Variants in SYAP1 observed in about 807,000 individuals in gnomAD.
The protein encoded by SYAP1 is synapse associated protein 1.
A neutral mutation model predicts 29.6 loss-of-function variants in SYAP1; 3 were observed. The observed-to-expected ratio is 0.10, with a 90% CI of 0.05 to 0.26. SYAP1 has a LOEUF of 0.26. Ranked by LOEUF, SYAP1 falls within the 10% of genes least tolerant of loss-of-function variation. SYAP1 has a pLI of 1.00. For missense variants in SYAP1, 217 were observed against 264.1 expected (o/e 0.82, Z 1.24); for synonymous variants, 102 against 102.7 (o/e 0.99, Z 0.04).
At chrX:16,726,075 G>A (rs771353004) in intron 1 of SYAP1, among the ~76,000 whole-genome samples, 109 of 111,837 alleles carry the variant, frequency 9.7e-4, no homozygotes, top group Admixed American at 3.8e-3. Context: ...AACTGGGAAG[G>A]AAGAGAGTTT....
chrX:16,755,514 T>C (rs1926824572), intron 6 of SYAP1, among the ~76,000 whole-genome samples: 1 of 109,568 alleles, frequency 9.1e-6, no homozygotes, highest in African/African-American at 3.3e-5. Context: ...CCCCCTCTCA[T>C]TTTTGGCCCT....
At chrX:16,750,886 G>A (rs1926715513) in intron 5 of SYAP1, among the ~76,000 whole-genome samples, 1 of 106,893 alleles carries the variant, frequency 9.4e-6, no homozygotes, top group Non-Finnish European at 1.9e-5. Flanking sequence ...TCCTGCATTA[G>A]CCTCCCAGGT....
intron 1 of SYAP1, among the ~76,000 whole-genome samples, chrX:16,720,271 G>A (rs1925930381): frequency 1.8e-5 from 2 of 112,030 alleles, no homozygotes; most frequent in African/African-American, 6.5e-5. Context: ...TAGTTGGCGA[G>A]CTTGAATTGG....
intron 6 of SYAP1, among the ~76,000 whole-genome samples, chrX:16,755,899 C>A (rs1011003887): frequency 1.8e-5 from 2 of 111,843 alleles, no homozygotes; most frequent in Admixed American, 9.6e-5. Context: ...ATTTAATTCA[C>A]GGAATTTTAA....
At chrX:16,729,058 A>G (rs1310531816) in intron 1 of SYAP1, among the ~76,000 whole-genome samples, 2 of 110,533 alleles carry the variant, frequency 1.8e-5, no homozygotes, top group Non-Finnish European at 3.8e-5. Flanking sequence ...AAAAGAAAAA[A>G]AAAAAGACAC....
intron 5 of SYAP1, 42 bp downstream of exon 5, chrX:16,743,882 A>G (rs201188264): frequency 2.5e-6 from 3 of 1,179,604 alleles, no homozygotes; most frequent in Non-Finnish European, 3.4e-6. Flanking sequence ...GGCCTCCATT[A>G]TGTGCTCAGT....
rs1569254086 is a variant in SYAP1, at chrX:16,761,687, A to ATGAG, written c.*1331_*1332insGTGA. ...GAGACTCCGTCTCAAAAATGAATGA[A>ATGAG]TGAATGAATGAATGAATGAACGAAC... On this transcript the variant is annotated 3_prime_UTR_variant, in exon 9 of 9. Coordinates refer to ENST00000380155, the MANE Select transcript of SYAP1 (RefSeq NM_032796.4). The ATGAG allele has an allele frequency of 9.0e-6, 1 of 111,428 alleles. No individual in the cohort carries two copies. Among genetic ancestry groups the ATGAG allele is most frequent in the African/African-American group, 3.3e-5 (1 of 30,583 alleles). 9.2% of individuals were successfully genotyped at this position (111,428 alleles called of 1,213,427 possible).
intron 1 of SYAP1, among the ~76,000 whole-genome samples, chrX:16,729,676 G>A (rs765694577): frequency 1.9e-4 from 21 of 110,184 alleles, no homozygotes; most frequent in African/African-American, 6.6e-4. Context: ...TAGAGACGGG[G>A]TTTCACAATG....
intron 1 of SYAP1, among the ~76,000 whole-genome samples, chrX:16,727,982 A>C (rs756916948): frequency 4.5e-4 from 51 of 112,388 alleles, no homozygotes; most frequent in Non-Finnish European, 8.8e-4. Flanking sequence ...TATGCAAATA[A>C]CTATATTGCC....
chrX:16,746,071 C>T (rs909737037), intron 5 of SYAP1, among the ~76,000 whole-genome samples: 4 of 106,293 alleles, frequency 3.8e-5, no homozygotes, highest in Non-Finnish European at 7.7e-5. Context: ...TATATGGAAT[C>T]TTTTTTTCTT....
Position 16,765,057 on chromosome X carries a change from C to A in SYAP1, c.*4698C>A, listed in dbSNP as rs1187585412. 1 of 111,826 alleles carries A rather than the reference C, an allele frequency of 8.9e-6. No homozygotes were observed. The highest frequency in any genetic ancestry group is 9.6e-5 in the Admixed American group (1 of 10,416). 9.2% of individuals were successfully genotyped at this position (111,826 alleles called of 1,213,427 possible). On this transcript the variant is annotated 3_prime_UTR_variant, in exon 9 of 9. Transcript: ENST00000380155. ...CAGTTTTATTGTGGGGAAGATGGGCCATTTTAATGAATGATTATTTCTATT... is the reference window on the plus strand; with the variant it reads ...CAGTTTTATTGTGGGGAAGATGGGCAATTTTAATGAATGATTATTTCTATT...
At chrX:16,739,075 C>T (rs1168599055) in intron 3 of SYAP1, among the ~76,000 whole-genome samples, 1 of 111,361 alleles carries the variant, frequency 9.0e-6, no homozygotes, top group Non-Finnish European at 1.9e-5. Flanking sequence ...GCATAAATAG[C>T]ACCAGGAGAG....
intron 5 of SYAP1, 123 bp downstream of exon 5, chrX:16,743,963 T>G: frequency 3.8e-6 from 3 of 793,735 alleles, no homozygotes; most frequent in Non-Finnish European, 5.3e-6. Flanking sequence ...CGCAGCCCTT[T>G]GGCAGCTCCC....
chrX:16,756,895 A>T (rs1389639695), intron 7 of SYAP1, among the ~76,000 whole-genome samples, 174 bp downstream of exon 7: 1 of 111,481 alleles, frequency 9.0e-6, no homozygotes, highest in South Asian at 3.6e-4. Context: ...TTACTGGCAT[A>T]TGTAATTCTA....
chrX:16,744,462 TC>T (rs1926549903), intron 5 of SYAP1, among the ~76,000 whole-genome samples: 1 of 112,815 alleles, frequency 8.9e-6, no homozygotes, highest in Non-Finnish European at 1.9e-5. Flanking sequence ...CTGTCATTGT[TC>T]CCTTTCTCTT....
intron 5 of SYAP1, among the ~76,000 whole-genome samples, chrX:16,745,737 C>CA (rs1473355443): frequency 4.4e-3 from 275 of 62,216 alleles, no homozygotes; most frequent in Middle Eastern, 8.8e-3. Context: ...ACTCTGTCTC[C>CA]AAAAAAAAAA....
intron 8 of SYAP1, among the ~76,000 whole-genome samples, chrX:16,759,622 T>C (rs1467632692): frequency 9.0e-6 from 1 of 111,433 alleles, no homozygotes; most frequent in Non-Finnish European, 1.9e-5. Flanking sequence ...AGACAGCTCT[T>C]TGTATAGTGG....
At chrX:16,745,079 G>T (rs752763511) in intron 5 of SYAP1, among the ~76,000 whole-genome samples, 96 of 112,575 alleles carry the variant, frequency 8.5e-4, no homozygotes, top group Middle Eastern at 4.6e-3. Context: ...CTTCGCATTA[G>T]CAGTGCCATA....
chrX:16,727,493 G>A (rs1025572191), intron 1 of SYAP1, among the ~76,000 whole-genome samples: 39 of 109,700 alleles, frequency 3.6e-4, no homozygotes, highest in Non-Finnish European at 5.7e-4. Flanking sequence ...ACAGGCATGC[G>A]CCACCATGTG....
Sources: gnomAD v4.1 joint callset for allele counts (sites outside exome capture counted in the v4.1 genomes callset) on GRCh38, gnomAD v4.1.1 for gene constraint, MANE v1.5 for transcripts, NCBI Gene and HGNC (gene_info 2026-07-23, HGNC 2026-07-21) for gene names.